APBB1: variants seen among roughly 807,000 people sequenced by gnomAD.
The protein encoded by APBB1 is amyloid beta precursor protein binding family B member 1.
A neutral mutation model predicts 78.4 loss-of-function variants in APBB1; 22 were observed. The ratio of observed to expected loss-of-function variants is 0.28; its 90% CI spans 0.20 to 0.40. The LOEUF (loss-of-function observed/expected upper bound fraction) is 0.40, where lower values mean the gene tolerates loss of function less well. Ranked by LOEUF, APBB1 falls within the 10% of genes least tolerant of loss-of-function variation. The pLI, the probability that APBB1 is intolerant of heterozygous loss-of-function variation, is 1.00. For synonymous variants in APBB1, 369 were observed against 372.7 expected (o/e 0.99, Z 0.12); for missense variants, 749 against 932.4 (o/e 0.80, Z 2.56).
rs766381978 is a variant in APBB1, at chr11:6,411,196, C to T, written c.152G>A (p.Arg51His). 6.8e-6 allele frequency: 11 copies of T among 1,607,692 alleles called. No homozygotes were observed. In the Admixed American group the frequency reaches 1.0e-4, roughly 15 times the overall value. ...CCCACCACCCTCCCCCATGGCGCTG[C>T]GCAGGTCCTTGGGTCCCACAGCTGT... ...QATAVGPKDL[R>H]SAMGEGGGPE... is the part of the protein sequence containing the mutation. The change falls in exon 2 of 15, where the codon CGC becomes CAC. Residue 51 changes from arginine (R) to histidine (H), a missense_variant. By Grantham distance (29) the Arg-to-His change is conservative. Around this residue, in one of 3 missense-constraint regions of APBB1, gnomAD observed 635 missense variants for 765.0 expected, o/e 0.83. Coordinates refer to ENST00000609360, the MANE Select transcript of APBB1 (RefSeq NM_001164.5). The surrounding 1 kb of genome is among the most constrained non-coding windows in gnomAD (Gnocchi z 5.2).
chr11:6,401,222 G>A lies in APBB1; in HGVS notation c.1588+123C>T, dbSNP rs1848480485. ...TTTAACCGGAGTCCCTCCACGTATT[G>A]GAGTATTCAGTCTTCATGTGTTCAT... On this transcript the variant is annotated intron_variant, in intron 11 of 14. Transcript: ENST00000609360. This position sits in a 1 kb window ranked among gnomAD's most constrained non-coding sequence, Gnocchi z 4.5. 1 of 1,610,404 alleles carries A rather than the reference G, an allele frequency of 6.2e-7. No individual in the cohort carries two copies. The highest frequency in any genetic ancestry group is 8.5e-7 in the Non-Finnish European group (1 of 1,178,298).
intron 2 of APBB1, among the ~76,000 whole-genome samples, chr11:6,408,359 T>C (rs950150369): frequency 7.2e-5 from 11 of 152,168 alleles, no homozygotes; most frequent in Non-Finnish European, 1.0e-4. Context: ...AACATAACTT[T>C]AACAGATAGA....
At position 6,411,669 on chromosome 11, in the gene APBB1, G is replaced by A. The variant is rs1848968088; in HGVS notation, c.-14-308C>T. Among the ~76,000 whole-genome samples, 1 of 152,098 alleles carries A rather than the reference G, an allele frequency of 6.6e-6. No homozygotes were observed. Among genetic ancestry groups the A allele is most frequent in the African/African-American group, 2.4e-5 (1 of 41,410 alleles). ...CAAGGCCTCCACACAATGGCTCTCT[G>A]TGCCTCCCCACCCCCCAGCTCATCC... On this transcript the variant is annotated intron_variant, in intron 1 of 14. Coordinates refer to ENST00000609360, the MANE Select transcript of APBB1 (RefSeq NM_001164.5). The surrounding 1 kb of genome is among the most constrained non-coding windows in gnomAD (Gnocchi z 5.2).
chr11:6,405,690 A>C (rs749063618), intron 2 of APBB1: 6 of 985,750 alleles, frequency 6.1e-6, no homozygotes, highest in Non-Finnish European at 6.0e-6. Flanking sequence ...CCCAAAGAGG[A>C]GGGGCTCTTG....
chr11:6,407,625 A>G (rs1421575082), intron 2 of APBB1, among the ~76,000 whole-genome samples: 1 of 152,160 alleles, frequency 6.6e-6, no homozygotes, highest in Non-Finnish European at 1.5e-5. Context: ...CTGCATTGAG[A>G]CTATATTTTT....
chr11:6,396,766 T>C (rs181550525), intron 12 of APBB1, among the ~76,000 whole-genome samples: 1 of 152,290 alleles, frequency 6.6e-6, no homozygotes, highest in African/African-American at 2.4e-5. Context: ...ACGGAAGAGA[T>C]AGGTAATATG....
At chr11:6,404,457 G>A (rs983529822) in intron 2 of APBB1, 17 of 932,394 alleles carry the variant, frequency 1.8e-5, no homozygotes, top group African/African-American at 1.8e-4. Context: ...CCCAACACAC[G>A]TGTGGGTACC....
chr11:6,399,339 C>T (rs182952006), intron 12 of APBB1, among the ~76,000 whole-genome samples: 1 of 152,322 alleles, frequency 6.6e-6, no homozygotes, highest in African/African-American at 2.4e-5. Context: ...ATCTCAAACT[C>T]AGCATGTCCA....
chr11:6,414,629 G>A (rs1423001900), intron 1 of APBB1, among the ~76,000 whole-genome samples: 1 of 152,168 alleles, frequency 6.6e-6, no homozygotes, highest in Non-Finnish European at 1.5e-5. Context: ...GGGTGTCAGA[G>A]AATGCCAAAG....
Position 6,402,655 on chromosome 11 carries a change from A to G in APBB1, c.1175T>C (p.Val392Ala). ...EEELAPGRSS[V>A]AVNNCIRQLS... ...CTGACGGATGCAATTGTTGACTGCCACACTGCTGCGTCCAGGGGCCAGCTC... is the reference window on the plus strand; with the variant it reads ...CTGACGGATGCAATTGTTGACTGCCGCACTGCTGCGTCCAGGGGCCAGCTC... Residue 392 changes from valine to alanine, a missense_variant, in exon 7 of 15, where the codon GTG (valine) becomes GCG (alanine). By Grantham distance (64) the Val-to-Ala change is moderately conservative. Transcript: ENST00000609360. The G allele has an allele frequency of 6.2e-7, 1 of 1,614,106 alleles. No individual in the cohort carries two copies. The highest frequency in any genetic ancestry group is 8.5e-7 in the Non-Finnish European group (1 of 1,180,026).
rs765722083 is a variant in APBB1, at chr11:6,395,697, C to G, written c.1970G>C (p.Arg657Pro). ...ACGGGCATCCAGACACTTCTGGTAGCGAAGCTGCGGAGGCAAGCAGGGCAG... is the reference window on the plus strand; with the variant it reads ...ACGGGCATCCAGACACTTCTGGTAGGGAAGCTGCGGAGGCAAGCAGGGCAG... ...SEAVQAACML[R>P]YQKCLDARSQ... Residue 657 changes from arginine to proline, a missense_variant, in exon 15 of 15, where the codon CGC (arginine) becomes CCC (proline). Physicochemically the swap from Arg to Pro is moderately radical, Grantham distance 103. This residue lies in a region of APBB1 where 96 missense variants were observed against 116.0 expected (regional missense o/e 0.83). Coordinates refer to ENST00000609360, the MANE Select transcript of APBB1 (RefSeq NM_001164.5). The surrounding 1 kb of genome is among the most constrained non-coding windows in gnomAD (Gnocchi z 5.2). 1 of 1,586,682 alleles carries G rather than the reference C, an allele frequency of 6.3e-7. No homozygotes were observed. Among genetic ancestry groups the G allele is most frequent in the Non-Finnish European group, 8.6e-7 (1 of 1,165,296 alleles).
chr11:6,413,444 C>T (rs927866678), intron 1 of APBB1, among the ~76,000 whole-genome samples: 2 of 152,142 alleles, frequency 1.3e-5, no homozygotes, highest in East Asian at 3.9e-4. Flanking sequence ...ACCCCCCTTC[C>T]CTCTGTGTTC....
chr11:6,402,494 T>G, intron 7 of APBB1, 82 bp downstream of exon 7: 1 of 1,443,140 alleles, frequency 6.9e-7, no homozygotes, highest in Admixed American at 1.7e-5. Flanking sequence ...AGCCTGCTTG[T>G]GGGCAGGTCA....
intron 2 of APBB1, chr11:6,404,673 C>T: frequency 5.9e-6 from 9 of 1,536,236 alleles, no homozygotes; most frequent in Non-Finnish European, 7.0e-6. Context: ...GTAACCCGCT[C>T]ATGCGTCCTC....
chr11:6,403,983 A>C lies in APBB1; in HGVS notation c.722-161T>G. ...TGCCTAGAGCCTATAGTCTGGAGTC[A>C]CCACATGTGGGGCCACCAGTAGGGG... On this transcript the variant is annotated intron_variant, in intron 2 of 14. Transcript: ENST00000609360. This position sits in a 1 kb window ranked among gnomAD's most constrained non-coding sequence, Gnocchi z 5.3. The C allele has an allele frequency of 1.4e-6, 1 of 733,746 alleles. No individual in the cohort carries two copies. Among genetic ancestry groups the C allele is most frequent in the Non-Finnish European group, 2.0e-6 (1 of 490,148 alleles). The allele number at this position is 733,746 out of a possible 1,614,324, so 45.5% of individuals were successfully genotyped here.
chr11:6,403,396 G>T lies in APBB1; in HGVS notation c.963C>A (p.Pro321=). 6.2e-7 allele frequency: 1 copy of T among 1,614,092 alleles called. No individual in the cohort carries two copies. Among genetic ancestry groups the T allele is most frequent in the Admixed American group, 1.7e-5 (1 of 60,014 alleles). Residue 321 remains proline (P), a synonymous_variant, in exon 5 of 15, where the codon CCC becomes CCA. Transcript: ENST00000609360. The surrounding 1 kb of genome is among the most constrained non-coding windows in gnomAD (Gnocchi z 5.3). ...CCAGCTCCATTGGGGCCTCATCACT[G>T]GGTTCATCCTTGGGAAGGGGATTGA... ...FEDGEFWKDE[P]SDEAPMELGL...
chr11:6,407,840 C>T (rs560367894), intron 2 of APBB1, among the ~76,000 whole-genome samples: 3,419 of 148,282 alleles, frequency 0.023, 69 homozygotes, highest in Non-Finnish European at 0.037. Context: ...ACTGCAGTGG[C>T]GCAATCTCGG....
chr11:6,403,653 C>A lies in APBB1; in HGVS notation c.891G>T (p.Glu297Asp). 6.2e-7 allele frequency: 1 copy of A among 1,609,498 alleles called. No homozygotes were observed. Among genetic ancestry groups the A allele is most frequent in the African/African-American group, 1.3e-5 (1 of 75,012 alleles). The change falls in exon 3 of 15, where the codon GAG becomes GAT. Residue 297 changes from glutamate (E) to aspartate (D), a missense_variant. Physicochemically the swap from Glu to Asp is conservative, Grantham distance 45. This residue lies in a region of APBB1 where 635 missense variants were observed against 765.0 expected (regional missense o/e 0.83). Coordinates refer to ENST00000609360, the MANE Select transcript of APBB1 (RefSeq NM_001164.5). The surrounding 1 kb of genome is among the most constrained non-coding windows in gnomAD (Gnocchi z 5.3). ...SPSQGSSPQE[E>D]SQLTWTGFAH... is the part of the protein sequence containing the mutation. ...ACAGGCCTGTGAGCCTCACCTGGGA[C>A]TCCTCTTGGGGGCTGCTCCCCTGTG... is the stretch of plus-strand genomic sequence containing the variant.
rs1214803407 is a variant in APBB1 at position 6,401,458 on chromosome 11, G to T, written c.1504-29C>A. 4 of 1,613,084 alleles carry T rather than the reference G, an allele frequency of 2.5e-6. No homozygotes were observed. The highest frequency in any genetic ancestry group is 2.5e-6 in the Non-Finnish European group (3 of 1,179,218). On this transcript the variant is annotated intron_variant, in intron 10 of 14. Coordinates refer to ENST00000609360, the MANE Select transcript of APBB1 (RefSeq NM_001164.5). The surrounding 1 kb of genome is among the most constrained non-coding windows in gnomAD (Gnocchi z 4.5). The stretch of plus-strand genomic sequence containing the variant: ...AGGAAGGAAGGGAGGCGAGGAGCCA[G>T]GGAGAATCTATTAGAGCCTCATTGC...
Sources: gnomAD v4.1 joint callset for allele counts (sites outside exome capture counted in the v4.1 genomes callset) on GRCh38, gnomAD v4.1.1 for gene constraint, gnomAD v4.1.1 regional missense constraint, Gnocchi (gnomAD v3.1) non-coding constraint, MANE v1.5 for transcripts, NCBI Gene and HGNC (gene_info 2026-07-23, HGNC 2026-07-21) for gene names.